The following ATL1 variants were observed in gnomAD, a reference collection of about 807,000 sequenced individuals.
The protein encoded by ATL1 is atlastin GTPase 1.
ATL1 carries 31 observed loss-of-function variants against 75.5 expected under a neutral mutation model. That is an observed-to-expected ratio of 0.41 (90% CI 0.31 to 0.55). The LOEUF is 0.55. Among genes scored for constraint, ATL1 ranks in the 20% least tolerant of loss-of-function variants. The pLI, the probability that ATL1 is intolerant of heterozygous loss-of-function variation, is 0.27. For synonymous variants in ATL1, 226 were observed against 233.3 expected, an observed-to-expected ratio of 0.97 and a Z score of 0.28; for missense variants, 405 against 662.6, an observed-to-expected ratio of 0.61 and a Z score of 4.27.
upstream of ATL1, chr14:50,559,910 A>G (rs1010218479): frequency 5.7e-6 from 2 of 349,540 alleles, no homozygotes; most frequent in Non-Finnish European, 1.1e-5. Flanking sequence ...TAACGCTGTT[A>G]AATTCTTTGA....
intron 6 of ATL1, among the ~76,000 whole-genome samples, chr14:50,601,093 G>T (rs1209474188): frequency 6.6e-6 from 1 of 152,136 alleles, no homozygotes; most frequent in African/African-American, 2.4e-5. Flanking sequence ...GGGCAACAGA[G>T]TGAGACCGTA....
chr14:50,589,360 A>C (rs949371840), intron 2 of ATL1, among the ~76,000 whole-genome samples: 2 of 151,864 alleles, frequency 1.3e-5, no homozygotes, highest in African/African-American at 4.8e-5. Context: ...GGGTTTCACT[A>C]TGTTGACCAG....
chr14:50,563,238 A>C (rs981994305), intron 1 of ATL1, among the ~76,000 whole-genome samples: 3 of 152,212 alleles, frequency 2.0e-5, no homozygotes, highest in Non-Finnish European at 2.9e-5. Context: ...AGGTGAGTTA[A>C]ATGATTTGGT....
At chr14:50,624,081 A>G (rs1595622045) in intron 11 of ATL1, among the ~76,000 whole-genome samples, 1 of 149,824 alleles carries the variant, frequency 6.7e-6, no homozygotes, top group East Asian at 1.9e-4. Flanking sequence ...TGAAATTAAA[A>G]TTGCGTTCAA....
At chr14:50,624,108 G>A (rs2039494291) in intron 11 of ATL1, among the ~76,000 whole-genome samples, 1 of 150,914 alleles carries the variant, frequency 6.6e-6, no homozygotes, top group Admixed American at 6.6e-5. Flanking sequence ...GTCTTAGAAT[G>A]AAGGAAAATG....
intron 7 of ATL1, among the ~76,000 whole-genome samples, 164 bp downstream of exon 7, chr14:50,613,515 A>T (rs2039386285): frequency 6.6e-6 from 1 of 152,224 alleles, no homozygotes; most frequent in African/African-American, 2.4e-5. Context: ...ATAAAACAAT[A>T]AGTTACTCCT....
intron 6 of ATL1, among the ~76,000 whole-genome samples, chr14:50,601,261 C>T (rs1217282074): frequency 1.3e-5 from 2 of 151,890 alleles, no homozygotes; most frequent in African/African-American, 4.8e-5. Flanking sequence ...GCTGAATTAA[C>T]ATATTAACTT....
chr14:50,595,071 TTC>T (rs1300579787), intron 5 of ATL1, among the ~76,000 whole-genome samples: 1 of 151,984 alleles, frequency 6.6e-6, no homozygotes, highest in Non-Finnish European at 1.5e-5. Context: ...GACTCTCCAT[TTC>T]TTAAGCTAAA....
At chr14:50,586,312 T>C (rs531976888) in intron 1 of ATL1, among the ~76,000 whole-genome samples, 27 of 152,350 alleles carry the variant, frequency 1.8e-4, no homozygotes, top group African/African-American at 6.3e-4. Context: ...CTCACAGTTC[T>C]GGCAGCTGGA....
At chr14:50,538,255 C>T (rs1196095562) in intron 1 of ATL1, among the ~76,000 whole-genome samples, 1 of 152,220 alleles carries the variant, frequency 6.6e-6, no homozygotes, top group African/African-American at 2.4e-5. Context: ...ACTTGCTCCT[C>T]CTTGCCTTCT....
Position 50,594,232 on chromosome 14 carries a change from T to A in ATL1, c.573+336T>A, listed in dbSNP as rs76793239. Among the ~76,000 whole-genome samples, 14 of 152,112 alleles carry A rather than the reference T, an allele frequency of 9.2e-5. No homozygotes were observed. In the East Asian group the frequency reaches 2.7e-3, roughly 29 times the overall value. ...AGGAGCCCCTTATAAAACCATCAGA[T>A]CTGTGAGAACTCACTCACTATGGCG... On this transcript the variant is annotated intron_variant, in intron 5 of 13. Transcript: ENST00000358385.
chr14:50,574,937 GTA>G (rs71118894), intron 1 of ATL1, among the ~76,000 whole-genome samples: 299 of 23,122 alleles, frequency 0.013, 2 homozygotes, highest in South Asian at 0.023. Flanking sequence ...GTGTGTGTGT[GTA>G]TATATATATA....
chr14:50,573,101 C>T (rs1478494338), intron 1 of ATL1, among the ~76,000 whole-genome samples: 1 of 152,168 alleles, frequency 6.6e-6, no homozygotes, highest in African/African-American at 2.4e-5. Context: ...GATCTAATCA[C>T]CTCCCACGAG....
rs142729763 is a variant in ATL1 at position 50,602,882 on chromosome 14, A to G, written c.630+7250A>G. Among the ~76,000 whole-genome samples the G allele has an allele frequency of 4.6e-3, 703 of 152,300 alleles. 8 individuals are homozygous for G. Among genetic ancestry groups the G allele is most frequent in the African/African-American group, 0.016 (672 of 41,586 alleles). On this transcript the variant is annotated intron_variant, in intron 6 of 13. Coordinates refer to ENST00000358385, the MANE Select transcript of ATL1 (RefSeq NM_015915.5). The stretch of plus-strand genomic sequence containing the variant: ...CCTGGGTTAGAATCATTTCTGAGCC[A>G]TGCCACAGTTCTGCTGAATTGGAAT...
At chr14:50,557,745 A>T (rs376621379), upstream of ATL1, among the ~76,000 whole-genome samples, 1 of 152,358 alleles carries the variant, frequency 6.6e-6, no homozygotes, top group East Asian at 1.9e-4. Flanking sequence ...GTCCACTGAA[A>T]GGGTCTAGAA....
rs574416940 is a variant in ATL1 at position 50,600,939 on chromosome 14, C to T, written c.630+5307C>T. On this transcript the variant is annotated intron_variant, in intron 6 of 13. Coordinates refer to ENST00000358385, the MANE Select transcript of ATL1 (RefSeq NM_015915.5). The stretch of plus-strand genomic sequence containing the variant: ...GCAACATAGTGAGACTCTATCTCTA[C>T]AAAAAGTGAAAGAAAAAAAATCCAC... 4.2e-4 allele frequency among the ~76,000 whole-genome samples: 64 copies of T among 151,906 alleles called. 1 individual carries two copies. The highest frequency in any genetic ancestry group is 2.0e-3 in the Admixed American group (30 of 15,248).
intron 1 of ATL1, among the ~76,000 whole-genome samples, chr14:50,581,906 AAGAT>A (rs1332578574): frequency 1.3e-5 from 2 of 152,214 alleles, no homozygotes; most frequent in East Asian, 3.8e-4. Flanking sequence ...AATTCCTAGA[AAGAT>A]AGAATGAACT....
chr14:50,572,167 C>T (rs1260013087), intron 1 of ATL1: 8 of 322,698 alleles, frequency 2.5e-5, no homozygotes, highest in Non-Finnish European at 2.9e-5. Context: ...GCTTACAGAT[C>T]ACTGAATTTC....
At chr14:50,562,050 CTT>C (rs113887466) in intron 1 of ATL1, among the ~76,000 whole-genome samples, 1 of 146,616 alleles carries the variant, frequency 6.8e-6, no homozygotes, top group Admixed American at 6.8e-5. Flanking sequence ...TGGCTATAAA[CTT>C]TTTTTTTTTT....
Sources: gnomAD v4.1 joint callset for allele counts (sites outside exome capture counted in the v4.1 genomes callset) on GRCh38, gnomAD v4.1.1 for gene constraint, MANE v1.5 for transcripts, NCBI Gene and HGNC (gene_info 2026-07-23, HGNC 2026-07-21) for gene names.